TRAPPC9: variants seen among roughly 807,000 people sequenced by gnomAD.
TRAPPC9 encodes the protein IKK2 binding protein.
A neutral mutation model predicts 124.0 loss-of-function variants in TRAPPC9; 83 were observed. The observed-to-expected ratio is 0.67, with a 90% CI of 0.56 to 0.80. The LOEUF (loss-of-function observed/expected upper bound fraction) is 0.80. Ranked by LOEUF, TRAPPC9 falls within the 30% of genes least tolerant of loss-of-function variation. The pLI is 0.00. For missense variants in TRAPPC9, 1,302 were observed against 1,508.3 expected, an observed-to-expected ratio of 0.86 and a Z score of 2.27; for synonymous variants, 638 against 617.5, an observed-to-expected ratio of 1.03 and a Z score of -0.49.
Position 140,049,913 on chromosome 8 carries a change from A to C in TRAPPC9, c.2557-25834T>G, listed in dbSNP as rs146132287. Among the ~76,000 whole-genome samples, 671 of 152,352 alleles carry C rather than the reference A, an allele frequency of 4.4e-3. 8 individuals carry two copies. Among genetic ancestry groups the C allele is most frequent in the African/African-American group, 0.016 (645 of 41,588 alleles). On this transcript the variant is annotated intron_variant, in intron 17 of 22. Transcript: ENST00000438773. ...GGCTCCTTCAATTCCACCACAACTC[A>C]GTCCCCAAACTGGATGGCCATTGAG...
At chr8:140,092,834 G>A (rs1587688865) in intron 17 of TRAPPC9, among the ~76,000 whole-genome samples, 1 of 152,210 alleles carries the variant, frequency 6.6e-6, no homozygotes, top group South Asian at 2.1e-4. Flanking sequence ...AGGGTTAAGA[G>A]AATGGAACTC....
Position 139,993,401 on chromosome 8 carries a change from G to A in TRAPPC9, c.2700-4565C>T, listed in dbSNP as rs544963516. The stretch of plus-strand genomic sequence containing the variant: ...AACCTATTGGTAATATTTTTAAAGC[G>A]TCCCAGTACCAAGAGTTGGTCAAGC... On this transcript the variant is annotated intron_variant, in intron 18 of 22. Coordinates refer to ENST00000438773, the MANE Select transcript of TRAPPC9 (RefSeq NM_001160372.4). Among the ~76,000 whole-genome samples, 493 of 152,254 alleles carry A rather than the reference G, an allele frequency of 3.2e-3. 1 individual carries two copies. The highest frequency in any genetic ancestry group is 0.011 in the African/African-American group (453 of 41,558).
In TRAPPC9 at chr8:140,397,659, T is replaced by G; in HGVS notation, c.1095A>C (p.Ser365=). The G allele has an allele frequency of 6.2e-7, 1 of 1,614,226 alleles. No homozygotes were observed. Among genetic ancestry groups the G allele is most frequent in the Non-Finnish European group, 8.5e-7 (1 of 1,180,030 alleles). Residue 365 remains serine (S), a synonymous_variant, in exon 7 of 23, where the codon TCA becomes TCC. Transcript: ENST00000438773. Reference sequence around the variant, plus strand: ...TGTAAACTGCATTCTGAAGAAATTCTGATGCTTCCATGCTCCGTTTCTGAA... The same window carrying G: ...TGTAAACTGCATTCTGAAGAAATTCGGATGCTTCCATGCTCCGTTTCTGAA... ...LAIQKRSMEA[S]EFLQNAVYIN...
intron 17 of TRAPPC9, among the ~76,000 whole-genome samples, chr8:140,118,669 G>C (rs913311224): frequency 4.5e-4 from 68 of 152,198 alleles, no homozygotes; most frequent in African/African-American, 1.5e-3. Flanking sequence ...AATCCTATCA[G>C]GGCTGTAGGT....
intron 19 of TRAPPC9, among the ~76,000 whole-genome samples, chr8:139,956,797 G>C (rs187327740): frequency 6.6e-6 from 1 of 152,298 alleles, no homozygotes; most frequent in Non-Finnish European, 1.5e-5. Flanking sequence ...TATCCCTACA[G>C]AGTGGCCTCC....
At chr8:140,077,408 A>C (rs989360499) in intron 17 of TRAPPC9, among the ~76,000 whole-genome samples, 4 of 152,106 alleles carry the variant, frequency 2.6e-5, no homozygotes, top group African/African-American at 9.7e-5. Context: ...TAAAAAGATA[A>C]TCTAATGACT....
At position 140,311,299 on chromosome 8, in the gene TRAPPC9, G is replaced by A. The variant is rs759502238; in HGVS notation, c.1571C>T (p.Pro524Leu). ...CACCGGTGGCAGGGTGAGGCCGCCA[G>A]GGAGGGCGATGGGCTCCATGGTCCC... ...CPGTMEPIALPGGLTLPPVPF... is the reference protein window; with the variant it reads ...CPGTMEPIALLGGLTLPPVPF... Residue 524 changes from proline to leucine, a missense_variant, in exon 10 of 23, where the codon CCT (proline) becomes CTT (leucine). This residue lies in a region of TRAPPC9 where 657 missense variants were observed against 811.2 expected (regional missense o/e 0.81). Transcript: ENST00000438773. 6.2e-7 allele frequency: 1 copy of A among 1,613,768 alleles called. No homozygotes were observed. The highest frequency in any genetic ancestry group is 1.7e-5 in the Admixed American group (1 of 60,038).
At chr8:140,377,229 T>C (rs2132271140) in intron 7 of TRAPPC9, among the ~76,000 whole-genome samples, 1 of 152,362 alleles carries the variant, frequency 6.6e-6, no homozygotes, top group East Asian at 1.9e-4. Flanking sequence ...ACTTTAAAGA[T>C]GATTTGAACT....
chr8:140,434,248 T>C (rs2132598905), intron 4 of TRAPPC9, among the ~76,000 whole-genome samples: 2 of 152,330 alleles, frequency 1.3e-5, no homozygotes, highest in East Asian at 3.9e-4. Context: ...CATTATTTTG[T>C]TGCTTCCTTC....
intron 21 of TRAPPC9, among the ~76,000 whole-genome samples, chr8:139,840,025 A>C (rs982314469): frequency 2.6e-5 from 4 of 152,214 alleles, no homozygotes; most frequent in African/African-American, 9.7e-5. Context: ...TTTCCACCAA[A>C]AGCACAGTAA....
chr8:140,120,859 CAACA>C (rs965677963), intron 17 of TRAPPC9, among the ~76,000 whole-genome samples: 5 of 151,422 alleles, frequency 3.3e-5, no homozygotes, highest in Admixed American at 6.6e-5. Context: ...TCCATCCATC[CAACA>C]TTCATCCATC....
intron 17 of TRAPPC9, among the ~76,000 whole-genome samples, chr8:140,094,102 A>T (rs773385436): frequency 6.6e-6 from 1 of 152,006 alleles, no homozygotes; most frequent in Admixed American, 6.6e-5. Context: ...CTGCCCACTC[A>T]TCGCACCTCA....
chr8:140,056,593 G>A (rs1842301159), intron 17 of TRAPPC9, among the ~76,000 whole-genome samples: 1 of 151,830 alleles, frequency 6.6e-6, no homozygotes, highest in Non-Finnish European at 1.5e-5. Context: ...ATGGTGCAGG[G>A]AAAGCTGAAC....
chr8:140,407,138 C>G (rs927059186), intron 5 of TRAPPC9, among the ~76,000 whole-genome samples: 1 of 152,170 alleles, frequency 6.6e-6, no homozygotes, highest in Non-Finnish European at 1.5e-5. Context: ...TCTTAGTGTA[C>G]CCCATCTCTG....
chr8:140,349,391 CCGA>C (rs2067469140), intron 9 of TRAPPC9, among the ~76,000 whole-genome samples: 2 of 110,576 alleles, frequency 1.8e-5, no homozygotes, highest in Non-Finnish European at 3.9e-5. Context: ...CACAGCGGGG[CCGA>C]TGGGGGCGCG....
chr8:139,759,247 C>G (rs1820062099), intron 21 of TRAPPC9, among the ~76,000 whole-genome samples: 1 of 152,158 alleles, frequency 6.6e-6, no homozygotes, highest in Non-Finnish European at 1.5e-5. Context: ...AACTCAGTCC[C>G]CTGGGAAAGG....
At chr8:139,965,020 A>C (rs1305436286) in intron 19 of TRAPPC9, among the ~76,000 whole-genome samples, 3 of 152,134 alleles carry the variant, frequency 2.0e-5, no homozygotes, top group African/African-American at 7.2e-5. Context: ...AACTGTCCTC[A>C]GCTGTAGGAC....
intron 19 of TRAPPC9, among the ~76,000 whole-genome samples, chr8:139,929,591 C>T (rs1395645117): frequency 1.3e-5 from 2 of 152,172 alleles, no homozygotes; most frequent in Admixed American, 6.5e-5. Context: ...TCTCTCCACA[C>T]AGAGTTACCG....
chr8:140,289,254 C>A (rs2131748263), intron 12 of TRAPPC9, among the ~76,000 whole-genome samples: 1 of 151,946 alleles, frequency 6.6e-6, no homozygotes, highest in South Asian at 2.1e-4. Flanking sequence ...CTTTTCCCAA[C>A]TCTGTCTACA....
Sources: gnomAD v4.1 joint callset for allele counts (sites outside exome capture counted in the v4.1 genomes callset) on GRCh38, gnomAD v4.1.1 for gene constraint, gnomAD v4.1.1 regional missense constraint, MANE v1.5 for transcripts, NCBI Gene and HGNC (gene_info 2026-07-23, HGNC 2026-07-21) for gene names.